The following MUC12 variants were observed in gnomAD, a reference collection of about 807,000 sequenced individuals.
The protein encoded by MUC12 is mucin 12, cell surface associated.
Under a neutral mutation model 230.8 loss-of-function variants are expected in MUC12, and 172 were observed. The observed-to-expected ratio is 0.75, with a 90% CI of 0.66 to 0.85. The LOEUF is 0.85. Among genes scored for constraint, MUC12 ranks in the 40% least tolerant of loss-of-function variants. MUC12 has a pLI of 0.00. For missense variants in MUC12, 3,506 were observed against 5,920.6 expected (o/e 0.59, Z 13.38); for synonymous variants, 1,259 against 2,401.9 (o/e 0.52, Z 13.91).
chr7:101,014,234 G>A, intron 9 of MUC12, 160 bp downstream of exon 9: 2 of 723,486 alleles, frequency 2.8e-6, no homozygotes, highest in Non-Finnish European at 4.2e-6. Context: ...CCTGGGTGCA[G>A]CAAAGGGCGG....
At chr7:100,977,424 T>C (rs1053251964) in intron 1 of MUC12, among the ~76,000 whole-genome samples, 1 of 151,260 alleles carries the variant, frequency 6.6e-6, no homozygotes, top group African/African-American at 2.4e-5. Context: ...TGGAGTACAG[T>C]GGTGCGATCT....
rs552993299 is a variant in MUC12, at chr7:100,971,515, C to T, written c.67+1826C>T. Among the ~76,000 whole-genome samples the T allele has an allele frequency of 1.0e-4, 16 of 152,412 alleles. No homozygotes were observed. In the South Asian group the frequency reaches 2.3e-3, roughly 22 times the overall value. ...CTCCCAGCCAGGGACTCAGGCCCTC[C>T]GAGGCTGCCTCTGCCCGCCAAGCCT... On this transcript the variant is annotated intron_variant, in intron 1 of 11. Coordinates refer to ENST00000536621, the MANE Select transcript of MUC12 (RefSeq NM_001164462.2).
intron 1 of MUC12, among the ~76,000 whole-genome samples, chr7:100,970,163 C>G (rs180947210): frequency 1.9e-3 from 288 of 152,374 alleles, no homozygotes; most frequent in East Asian, 4.6e-3. Context: ...GGAGTAGCCT[C>G]AGGTGCACCC....
At position 100,995,636 on chromosome 7, in the gene MUC12, C is replaced by G. The variant is rs1030456058; in HGVS notation, c.5073C>G (p.Ser1691Arg). The G allele has an allele frequency of 5.2e-6, 8 of 1,537,038 alleles. No homozygotes were observed. In the African/African-American group the frequency reaches 6.9e-5, roughly 13 times the overall value. Reference sequence around the variant, plus strand: ...AGGGAGAATCTACCACCTTCCAGAGCTGGCCAAGCTCAAAGGACACTATGC... The same window carrying G: ...AGGGAGAATCTACCACCTTCCAGAGGTGGCCAAGCTCAAAGGACACTATGC... ...TRQGESTTFQ[S>R]WPSSKDTMPA... The change falls in exon 2 of 12, where the codon AGC becomes AGG. Residue 1691 changes from serine to arginine, a missense_variant. Ser to Arg is a moderately radical substitution (Grantham distance 110). Transcript: ENST00000536621.
intron 10 of MUC12, among the ~76,000 whole-genome samples, chr7:101,016,524 A>G (rs947731307): frequency 6.6e-6 from 1 of 152,182 alleles, no homozygotes; most frequent in Non-Finnish European, 1.5e-5. Flanking sequence ...CATGTTGGCC[A>G]GGCTGGTCTC....
At chr7:101,009,004 C>T (rs910701118) in intron 4 of MUC12, 91 bp from the exon 5 acceptor site, 2 of 1,436,068 alleles carry the variant, frequency 1.4e-6, no homozygotes, top group South Asian at 1.2e-5. Flanking sequence ...CTGGGCTCCA[C>T]AGAAAGGTGC....
At chr7:101,016,266 G>T (rs1336995027) in intron 10 of MUC12, among the ~76,000 whole-genome samples, 1 of 152,056 alleles carries the variant, frequency 6.6e-6, no homozygotes, top group Non-Finnish European at 1.5e-5. Context: ...CGTGAGGTTG[G>T]CAGGGCTTTG....
At chr7:101,015,814 C>A (rs1292793094) in intron 10 of MUC12, 123 bp downstream of exon 10, 6 of 817,614 alleles carry the variant, frequency 7.3e-6, no homozygotes, top group Non-Finnish European at 1.2e-5. Context: ...TGACTGACAG[C>A]CCGTTCCCTA....
chr7:100,969,776 TGG>T, intron 1 of MUC12, 87 bp downstream of exon 1: 3 of 1,522,944 alleles, frequency 2.0e-6, no homozygotes, highest in Non-Finnish European at 2.6e-6. Flanking sequence ...GGGCTGCAGG[TGG>T]CCTCCTCCCC....
At chr7:101,008,390 C>G (rs749103620) in intron 3 of MUC12, among the ~76,000 whole-genome samples, 13 of 152,154 alleles carry the variant, frequency 8.5e-5, no homozygotes, top group Non-Finnish European at 1.9e-4. Context: ...AGCCACAGCA[C>G]CCGGCCCAGG....
At chr7:100,977,848 G>C (rs941297935) in intron 1 of MUC12, among the ~76,000 whole-genome samples, 1 of 150,338 alleles carries the variant, frequency 6.7e-6, no homozygotes, top group Non-Finnish European at 1.5e-5. Flanking sequence ...GATTACAAGC[G>C]TGAGCCACCG....
At chr7:101,010,217 G>A (rs1224045658) in intron 5 of MUC12, among the ~76,000 whole-genome samples, 1 of 152,082 alleles carries the variant, frequency 6.6e-6, no homozygotes, top group Non-Finnish European at 1.5e-5. Flanking sequence ...AATGTCATGA[G>A]GGGTAGAATG....
chr7:100,984,821 A>T (rs755415194), intron 1 of MUC12, among the ~76,000 whole-genome samples: 1 of 152,110 alleles, frequency 6.6e-6, no homozygotes, highest in Non-Finnish European at 1.5e-5. Flanking sequence ...AGCACTGAGG[A>T]GCTACCCCTT....
At position 100,992,508 on chromosome 7, in the gene MUC12, A is replaced by T; in HGVS notation, c.1945A>T (p.Thr649Ser). The T allele has an allele frequency of 1.3e-6, 2 of 1,537,870 alleles. No individual in the cohort carries two copies. Among genetic ancestry groups the T allele is most frequent in the Non-Finnish European group, 1.7e-6 (2 of 1,147,042 alleles). ...SSKDTRPAPP[T>S]TTSAFVEPST... ...AAAGGACACTAGGCCTGCACCTCCT[A>T]CTACCACATCAGCCTTTGTTGAGCC... Residue 649 changes from threonine to serine, a missense_variant, in exon 2 of 12, where the codon ACT (threonine) becomes TCT (serine). Coordinates refer to ENST00000536621, the MANE Select transcript of MUC12 (RefSeq NM_001164462.2).
At position 100,991,852 on chromosome 7, in the gene MUC12, T is replaced by C. The variant is rs1163382486; in HGVS notation, c.1289T>C (p.Ile430Thr). The change falls in exon 2 of 12, where the codon ATC becomes ACC. Residue 430 changes from isoleucine (I) to threonine (T), a missense_variant. Physicochemically the swap from Ile to Thr is moderately conservative, Grantham distance 89. Transcript: ENST00000536621. ...ETTHFRDSST[I>T]SGRSEESKAS... Reference sequence around the variant, plus strand: ...ACACACTTCCGTGATAGCTCCACAATCTCAGGCCGTAGTGAGGAATCAAAA... The same window carrying C: ...ACACACTTCCGTGATAGCTCCACAACCTCAGGCCGTAGTGAGGAATCAAAA... The C allele has an allele frequency of 1.4e-5, 21 of 1,536,652 alleles. No homozygotes were observed. Among genetic ancestry groups the C allele is most frequent in the Admixed American group, 2.0e-5 (1 of 50,916 alleles).
At chr7:100,976,789 G>A (rs1210987844) in intron 1 of MUC12, among the ~76,000 whole-genome samples, 3 of 151,776 alleles carry the variant, frequency 2.0e-5, no homozygotes, top group Non-Finnish European at 4.4e-5. Flanking sequence ...GGTGTCTCAC[G>A]CCTGTAATCC....
intron 1 of MUC12, among the ~76,000 whole-genome samples, chr7:100,978,237 G>A (rs1021914523): frequency 6.6e-6 from 1 of 152,158 alleles, no homozygotes; most frequent in Non-Finnish European, 1.5e-5. Context: ...TCCATCCACC[G>A]CCATTGGTGT....
chr7:101,014,205 G>A (rs1246704997), intron 9 of MUC12, 131 bp downstream of exon 9: 3 of 1,116,532 alleles, frequency 2.7e-6, no homozygotes, highest in Non-Finnish European at 3.7e-6. Context: ...GCCAGATGGG[G>A]TGCCCAGACC....
At chr7:100,979,187 CAACTT>C (rs1793070061) in intron 1 of MUC12, among the ~76,000 whole-genome samples, 1 of 152,112 alleles carries the variant, frequency 6.6e-6, no homozygotes, top group South Asian at 2.1e-4. Flanking sequence ...AGAAAGGACT[CAACTT>C]AATTCATTTA....
Sources: gnomAD v4.1 joint callset for allele counts (sites outside exome capture counted in the v4.1 genomes callset) on GRCh38, gnomAD v4.1.1 for gene constraint, MANE v1.5 for transcripts, NCBI Gene and HGNC (gene_info 2026-07-23, HGNC 2026-07-21) for gene names.